LINGO2: variants seen among roughly 807,000 people sequenced by gnomAD.
LINGO2 encodes the protein leucine rich repeat and Ig domain containing 2.
LINGO2 carries 14 observed loss-of-function variants against 30.6 expected under a neutral mutation model. The observed-to-expected ratio is 0.46, with a 90% CI of 0.30 to 0.72. The LOEUF (loss-of-function observed/expected upper bound fraction) is 0.72, where lower values mean the gene tolerates loss of function less well. Among genes scored for constraint, LINGO2 ranks in the 30% least tolerant of loss-of-function variants. The pLI is 0.07. For synonymous variants in LINGO2, 317 were observed against 288.5 expected, an observed-to-expected ratio of 1.10 and a Z score of -1.00; for missense variants, 729 against 751.7, an observed-to-expected ratio of 0.97 and a Z score of 0.35.
chr9:29,212,249 C>T, the LINGO2 span, among the ~76,000 whole-genome samples: 2 of 151,942 alleles, frequency 1.3e-5, no homozygotes, highest in Non-Finnish European at 1.5e-5. Context: ...CGTCCCCCGC[C>T]CCTGCCGCGC....
At chr9:28,085,889 A>T (rs1274827764) in intron 4 of LINGO2, among the ~76,000 whole-genome samples, 1 of 152,116 alleles carries the variant, frequency 6.6e-6, no homozygotes, top group African/African-American at 2.4e-5. Flanking sequence ...TCTATAAATA[A>T]AATGAGGTAG....
chr9:28,384,246 C>T (rs1054326033), intron 2 of LINGO2, among the ~76,000 whole-genome samples: 4 of 150,662 alleles, frequency 2.7e-5, no homozygotes, highest in Non-Finnish European at 5.9e-5. Flanking sequence ...ACTCCAAACA[C>T]ATAATCCCCC....
intron 4 of LINGO2, among the ~76,000 whole-genome samples, chr9:28,237,350 AAAAG>A (rs1217952049): frequency 4.6e-5 from 7 of 152,150 alleles, no homozygotes; most frequent in African/African-American, 1.4e-4. Context: ...CACATTTATT[AAAAG>A]AAAGATGGGA....
At chr9:28,226,697 A>AAGAAAGAAAGAAAGAAAGAAAG (rs769720438) in intron 4 of LINGO2, among the ~76,000 whole-genome samples, 14 of 60,528 alleles carry the variant, frequency 2.3e-4, no homozygotes, top group African/African-American at 5.5e-4. Context: ...GAAAGAAAGA[A>AAGAAAGAAAGAAAGAAAGAAAG]AGAAAGAGAA....
chr9:29,127,388 T>C, the LINGO2 span, among the ~76,000 whole-genome samples: 1 of 152,148 alleles, frequency 6.6e-6, no homozygotes, highest in Non-Finnish European at 1.5e-5. Flanking sequence ...GTTTGGGATT[T>C]ATTTTTCTTT....
chr9:28,199,275 G>T (rs1329979049), intron 4 of LINGO2, among the ~76,000 whole-genome samples: 1 of 151,816 alleles, frequency 6.6e-6, no homozygotes, highest in Non-Finnish European at 1.5e-5. Flanking sequence ...AAATCCAAGG[G>T]TTATTTTTTC....
At chr9:28,958,600 C>T in the LINGO2 span, among the ~76,000 whole-genome samples, 1 of 152,062 alleles carries the variant, frequency 6.6e-6, no homozygotes, top group African/African-American at 2.4e-5. Context: ...CATCTCCCCT[C>T]CTTTACCGTA....
chr9:28,457,495 C>T (rs1824897472), intron 2 of LINGO2, among the ~76,000 whole-genome samples: 1 of 151,994 alleles, frequency 6.6e-6, no homozygotes, highest in African/African-American at 2.4e-5. Context: ...CTCACTGCAG[C>T]CTCAAACTCC....
intron 4 of LINGO2, among the ~76,000 whole-genome samples, chr9:28,075,694 T>C (rs1378290366): frequency 1.3e-5 from 2 of 151,976 alleles, no homozygotes; most frequent in African/African-American, 4.8e-5. Context: ...TTCTGCTGAG[T>C]TTTCTAGTCT....
chr9:28,504,725 T>C (rs1820036380), intron 1 of LINGO2, among the ~76,000 whole-genome samples: 1 of 151,772 alleles, frequency 6.6e-6, no homozygotes, highest in Admixed American at 6.6e-5. Context: ...AAATAGTCAT[T>C]GTAGGAAAAA....
rs61343667 is a variant in LINGO2, at chr9:28,419,463, T to C, written c.-278-46595A>G. ...GGGGTTATTTGCTTAATGTAAGCTG[T>C]TGTATAAAGGTAAGACTGTTCATAA... On this transcript the variant is annotated intron_variant, in intron 2 of 5. Coordinates refer to ENST00000379992, the Ensembl canonical transcript of LINGO2. Among the ~76,000 whole-genome samples, 985 of 152,206 alleles carry C rather than the reference T, an allele frequency of 6.5e-3. 38 individuals are homozygous for C. The East Asian group carries it at 0.093, about 14-fold the overall frequency.
chr9:28,510,307 A>G (rs540911864), intron 1 of LINGO2, among the ~76,000 whole-genome samples: 1 of 152,302 alleles, frequency 6.6e-6, no homozygotes, highest in South Asian at 2.1e-4. Context: ...TGGAAGCCTT[A>G]CTGATAATAC....
the LINGO2 span, among the ~76,000 whole-genome samples, chr9:29,164,759 T>C: frequency 4.0e-5 from 6 of 151,006 alleles, no homozygotes; most frequent in African/African-American, 1.5e-4. Context: ...TATATGCATA[T>C]ATGCACGTGT....
intron 4 of LINGO2, among the ~76,000 whole-genome samples, chr9:28,214,030 G>A (rs1820682643): frequency 6.6e-6 from 1 of 151,512 alleles, no homozygotes. Flanking sequence ...TAGAAGATAT[G>A]AGGAAATTAA....
chr9:29,126,928 T>C, the LINGO2 span, among the ~76,000 whole-genome samples: 1 of 152,068 alleles, frequency 6.6e-6, no homozygotes, highest in Non-Finnish European at 1.5e-5. Context: ...CCCTTTTCTG[T>C]GTAGCAGATG....
At chr9:28,042,607 A>T (rs1824243316) in intron 4 of LINGO2, among the ~76,000 whole-genome samples, 1 of 152,114 alleles carries the variant, frequency 6.6e-6, no homozygotes, top group African/African-American at 2.4e-5. Context: ...TCAAGAGGAT[A>T]TTTTTCCCTA....
At chr9:29,027,312 G>T in the LINGO2 span, among the ~76,000 whole-genome samples, 15 of 152,118 alleles carry the variant, frequency 9.9e-5, no homozygotes, top group African/African-American at 3.4e-4. Flanking sequence ...CTGTGAGGCA[G>T]ATATGACTTT....
intron 1 of LINGO2, among the ~76,000 whole-genome samples, chr9:28,636,110 T>C (rs1269772113): frequency 1.3e-5 from 2 of 152,156 alleles, no homozygotes; most frequent in Admixed American, 6.5e-5. Flanking sequence ...TTGCTCAGAA[T>C]GATGATTTCC....
intron 4 of LINGO2, among the ~76,000 whole-genome samples, chr9:28,199,221 T>C (rs1820127418): frequency 6.6e-6 from 1 of 152,202 alleles, no homozygotes; most frequent in Admixed American, 6.5e-5. Flanking sequence ...TGGTGCATAG[T>C]AGGCAATTAA....
Sources: allele counts gnomAD v4.1 joint callset (sites outside exome capture counted in the v4.1 genomes callset), GRCh38; gene constraint gnomAD v4.1.1; transcripts MANE v1.5; gene names NCBI Gene and HGNC (gene_info 2026-07-23, HGNC 2026-07-21).